The following ARHGAP26 variants were observed in gnomAD, a reference collection of about 807,000 sequenced individuals.
The protein encoded by ARHGAP26 is Rho GTPase activating protein 26.
Under a neutral mutation model 104.8 loss-of-function variants are expected in ARHGAP26, and 38 were observed. The observed-to-expected ratio is 0.36, with a 90% CI of 0.28 to 0.48. ARHGAP26 has a LOEUF of 0.48. ARHGAP26 is among the 20% of genes least tolerant of loss of function. The probability of loss-of-function intolerance (pLI) is 0.99; values close to 1 mark genes in which losing one functional copy is unlikely to be tolerated. For synonymous variants in ARHGAP26, 341 were observed against 340.0 expected, an observed-to-expected ratio of 1.00 and a Z score of -0.03; for missense variants, 704 against 947.9, an observed-to-expected ratio of 0.74 and a Z score of 3.38.
intron 17 of ARHGAP26, among the ~76,000 whole-genome samples, chr5:143,086,265 G>A (rs368174713): frequency 2.2e-4 from 34 of 152,246 alleles, no homozygotes; most frequent in African/African-American, 7.9e-4. Context: ...GTCCCCTCTG[G>A]CATTACTAAA....
chr5:143,153,139 G>T (rs1270130423), intron 20 of ARHGAP26, among the ~76,000 whole-genome samples: 4 of 152,140 alleles, frequency 2.6e-5, no homozygotes, highest in Admixed American at 6.6e-5. Flanking sequence ...TCGGTTTTCA[G>T]AATCTTCTTG....
intron 12 of ARHGAP26, among the ~76,000 whole-genome samples, chr5:143,028,288 C>T (rs141597951): frequency 3.9e-5 from 6 of 152,302 alleles, no homozygotes; most frequent in African/African-American, 1.2e-4. Flanking sequence ...TACCACTTAA[C>T]GTGAGTCTGG....
At chr5:143,177,503 G>A (rs922450855) in intron 20 of ARHGAP26, among the ~76,000 whole-genome samples, 2 of 152,166 alleles carry the variant, frequency 1.3e-5, no homozygotes, top group African/African-American at 2.4e-5. Flanking sequence ...TAGCAGACAC[G>A]TACATGTATT....
At chr5:143,172,336 G>T (rs946450650) in intron 20 of ARHGAP26, among the ~76,000 whole-genome samples, 12 of 151,842 alleles carry the variant, frequency 7.9e-5, no homozygotes, top group African/African-American at 2.7e-4. Context: ...AGTAAAATGA[G>T]AATAAAAAAT....
Position 143,189,739 on chromosome 5 carries a change from T to A in ARHGAP26, c.1989-17459T>A, listed in dbSNP as rs143306137. On this transcript the variant is annotated intron_variant, in intron 20 of 22. Coordinates refer to ENST00000645722, the MANE Select transcript of ARHGAP26 (RefSeq NM_001135608.3). The stretch of plus-strand genomic sequence containing the variant: ...TGTTATAAGAATCAGATATTTAAAA[T>A]GCCAATAGGAGCTTTGATATTTTTC... Among the ~76,000 whole-genome samples, 613 of 152,280 alleles carry A rather than the reference T, an allele frequency of 4.0e-3. 5 individuals are homozygous for A. The highest frequency in any genetic ancestry group is 0.014 in the African/African-American group (592 of 41,556).
chr5:143,136,539 G>A (rs1486263955), intron 19 of ARHGAP26, among the ~76,000 whole-genome samples: 1 of 152,212 alleles, frequency 6.6e-6, no homozygotes, highest in Non-Finnish European at 1.5e-5. Flanking sequence ...GGGTGTCTGT[G>A]TGTATATATT....
intron 19 of ARHGAP26, among the ~76,000 whole-genome samples, chr5:143,137,531 A>G (rs900177510): frequency 4.6e-5 from 7 of 152,222 alleles, no homozygotes; most frequent in Non-Finnish European, 1.0e-4. Flanking sequence ...ATGCACCCAT[A>G]GGCACATGCA....
Position 142,877,244 on chromosome 5 carries a change from C to T in ARHGAP26, c.312+2073C>T, listed in dbSNP as rs2152377288. Among the ~76,000 whole-genome samples, 5 of 152,282 alleles carry T rather than the reference C, an allele frequency of 3.3e-5. No individual in the cohort carries two copies. The Middle Eastern group carries it at 0.014, about 414-fold the overall frequency. ...TCTACCTCCTTGCCCTGTGACAACTCCATCAGTTCAGTTAAGCTCAGCAAG... is the reference window on the plus strand; with the variant it reads ...TCTACCTCCTTGCCCTGTGACAACTTCATCAGTTCAGTTAAGCTCAGCAAG... On this transcript the variant is annotated intron_variant, in intron 3 of 22. Transcript: ENST00000645722.
intron 20 of ARHGAP26, among the ~76,000 whole-genome samples, chr5:143,197,281 G>A (rs1562593181): frequency 6.6e-6 from 1 of 152,154 alleles, no homozygotes; most frequent in Non-Finnish European, 1.5e-5. Context: ...ACCTTTGCTA[G>A]ATAATGCTAC....
At chr5:142,844,596 GGCTCACGTC>G (rs1771536650) in intron 1 of ARHGAP26, among the ~76,000 whole-genome samples, 1 of 151,926 alleles carries the variant, frequency 6.6e-6, no homozygotes, top group Non-Finnish European at 1.5e-5. Flanking sequence ...TGGGCGTAGT[GGCTCACGTC>G]TGTAATCCCA....
intron 20 of ARHGAP26, among the ~76,000 whole-genome samples, chr5:143,174,250 G>A (rs2151147309): frequency 6.6e-6 from 1 of 152,280 alleles, no homozygotes; most frequent in South Asian, 2.1e-4. Context: ...CTCCACAATG[G>A]CATGCTACAT....
chr5:143,069,972 C>T (rs558210431), intron 17 of ARHGAP26, among the ~76,000 whole-genome samples: 1 of 152,358 alleles, frequency 6.6e-6, no homozygotes, highest in Non-Finnish European at 1.5e-5. Flanking sequence ...CCCTTCACAG[C>T]ATGTCTTCAG....
intron 8 of ARHGAP26, among the ~76,000 whole-genome samples, chr5:142,904,475 C>T (rs26690): frequency 0.4 from 60,353 of 150,636 alleles, 14,595 homozygotes; most frequent in East Asian, 0.86. Flanking sequence ...CTGAGATTGC[C>T]ACCACTGTAC....
chr5:143,205,795 C>T (rs12109590), intron 20 of ARHGAP26, among the ~76,000 whole-genome samples: 7,256 of 152,132 alleles, frequency 0.048, 578 homozygotes, highest in African/African-American at 0.17. Context: ...GGGCTTGTTG[C>T]GTGGGTAAAT....
At chr5:142,937,495 A>G (rs1475833791) in intron 11 of ARHGAP26, among the ~76,000 whole-genome samples, 1 of 152,242 alleles carries the variant, frequency 6.6e-6, no homozygotes, top group Non-Finnish European at 1.5e-5. Flanking sequence ...GGCAGTTTCT[A>G]AAACTAAATA....
At chr5:143,011,338 T>C (rs1396607427) in intron 11 of ARHGAP26, among the ~76,000 whole-genome samples, 1 of 144,200 alleles carries the variant, frequency 6.9e-6, no homozygotes, top group East Asian at 2.2e-4. Context: ...TTCTCCAATG[T>C]ACTTATCAAT....
In ARHGAP26 at chr5:143,228,804, T is replaced by C. The variant is rs908324532; in HGVS notation, c.*6358T>C. The C allele has an allele frequency of 5.1e-6, 1 of 194,632 alleles. No individual in the cohort carries two copies. Among genetic ancestry groups the C allele is most frequent in the Non-Finnish European group, 1.1e-5 (1 of 93,206 alleles). The allele number at this position is 194,632 out of a possible 1,614,324, so 12.1% of individuals were successfully genotyped here. On this transcript the variant is annotated 3_prime_UTR_variant, in exon 23 of 23. Transcript: ENST00000645722. Reference sequence around the variant, plus strand: ...GTAATCTGTGACTAGAATAGACCTTTGTCCCTGTTAGTAGCCCTGTTGCCA... The same window carrying C: ...GTAATCTGTGACTAGAATAGACCTTCGTCCCTGTTAGTAGCCCTGTTGCCA...
chr5:143,178,941 C>T (rs1803900069), intron 20 of ARHGAP26, among the ~76,000 whole-genome samples: 1 of 151,902 alleles, frequency 6.6e-6, no homozygotes, highest in Non-Finnish European at 1.5e-5. Context: ...GCAATCTGGG[C>T]TCACTGCAAC....
chr5:142,775,297 C>G (rs1347520316), intron 1 of ARHGAP26, among the ~76,000 whole-genome samples: 1 of 152,106 alleles, frequency 6.6e-6, no homozygotes, highest in Non-Finnish European at 1.5e-5. Flanking sequence ...TTTGACCATC[C>G]TACTAGGTGT....
Sources: gnomAD v4.1 joint callset for allele counts (sites outside exome capture counted in the v4.1 genomes callset) on GRCh38, gnomAD v4.1.1 for gene constraint, MANE v1.5 for transcripts, NCBI Gene and HGNC (gene_info 2026-07-23, HGNC 2026-07-21) for gene names.